The following PTPRZ1 variants were observed in gnomAD, a reference collection of about 807,000 sequenced individuals.
The protein encoded by PTPRZ1 is receptor-type tyrosine-protein phosphatase zeta.
Under a neutral mutation model 214.1 loss-of-function variants are expected in PTPRZ1, and 82 were observed. The ratio of observed to expected loss-of-function variants is 0.38; its 90% confidence interval spans 0.32 to 0.46. PTPRZ1 has a LOEUF of 0.46. PTPRZ1 is among the 20% of genes least tolerant of loss of function. PTPRZ1 has a pLI of 1.00. For synonymous variants in PTPRZ1, 945 were observed against 987.9 expected, an observed-to-expected ratio of 0.96 and a Z score of 0.81; for missense variants, 2,603 against 2,748.7, an observed-to-expected ratio of 0.95 and a Z score of 1.19.
At chr7:122,054,257 G>A (rs1259262551) in intron 26 of PTPRZ1, among the ~76,000 whole-genome samples, 1 of 152,068 alleles carries the variant, frequency 6.6e-6, no homozygotes, top group East Asian at 1.9e-4. Flanking sequence ...AGATATAAAT[G>A]AACTTAAATG....
chr7:121,941,120 C>G (rs910947037), intron 2 of PTPRZ1, among the ~76,000 whole-genome samples: 1 of 152,186 alleles, frequency 6.6e-6, no homozygotes, highest in African/African-American at 2.4e-5. Flanking sequence ...CTCATCTTCC[C>G]TTGTTCAGAA....
chr7:122,021,233 T>C (rs1799007660), intron 13 of PTPRZ1, among the ~76,000 whole-genome samples: 1 of 152,236 alleles, frequency 6.6e-6, no homozygotes, highest in Admixed American at 6.5e-5. Context: ...TCTTATTTAA[T>C]ACAATTTGAT....
intron 14 of PTPRZ1, among the ~76,000 whole-genome samples, chr7:122,029,758 T>TTA (rs996908170): frequency 2.0e-5 from 3 of 151,482 alleles, no homozygotes; most frequent in African/African-American, 7.3e-5. Context: ...ATGTCATATG[T>TTA]TATATATATT....
chr7:121,904,567 A>G (rs1362574724), intron 1 of PTPRZ1, among the ~76,000 whole-genome samples: 1 of 152,176 alleles, frequency 6.6e-6, no homozygotes, highest in Non-Finnish European at 1.5e-5. Flanking sequence ...TTAACACAGT[A>G]AGTAATCTCA....
chr7:121,884,792 G>C, intron 1 of PTPRZ1, among the ~76,000 whole-genome samples: 1 of 152,226 alleles, frequency 6.6e-6, no homozygotes, highest in East Asian at 1.9e-4. Flanking sequence ...GTAAATGCTA[G>C]ACTATTTGGA....
intron 1 of PTPRZ1, among the ~76,000 whole-genome samples, chr7:121,895,561 G>A (rs950357320): frequency 6.6e-6 from 1 of 152,130 alleles, no homozygotes; most frequent in East Asian, 1.9e-4. Flanking sequence ...ATTACAAGTT[G>A]TAAAGGCTTA....
chr7:121,977,753 A>C (rs1797487114), intron 6 of PTPRZ1, among the ~76,000 whole-genome samples: 1 of 150,216 alleles, frequency 6.7e-6, no homozygotes, highest in Admixed American at 6.6e-5. Flanking sequence ...TGAAGCTGTT[A>C]CCTCCCTCCA....
intron 28 of PTPRZ1, 53 bp from the exon 29 acceptor site, chr7:122,059,700 G>T (rs199796777): frequency 6.5e-7 from 1 of 1,547,452 alleles, no homozygotes; most frequent in South Asian, 1.3e-5. Context: ...TTCTAAATGT[G>T]AGTGGTGCAT....
Position 122,051,488 on chromosome 7 carries a change from A to G in PTPRZ1, c.6145A>G (p.Arg2049Gly), listed in dbSNP as rs1189289598. 1.2e-6 allele frequency: 2 copies of G among 1,613,614 alleles called. No individual in the cohort carries two copies. The highest frequency in any genetic ancestry group is 1.3e-5 in the African/African-American group (1 of 74,884). Residue 2049 changes from arginine to glycine, a missense_variant, in exon 24 of 30, where the codon AGG becomes GGG. By Grantham distance (125) the Arg-to-Gly change is moderately radical (BLOSUM62 -2). Transcript: ENST00000393386. Reference sequence around the variant, plus strand: ...TTCTGCAGCCCTAAAGCAATGCAACAGGGAAAAGAATCGAACTTCTTCTAT... The same window carrying G: ...TTCTGCAGCCCTAAAGCAATGCAACGGGGAAAAGAATCGAACTTCTTCTAT... ...DYSAALKQCN[R>G]EKNRTSSIIP...
intron 10 of PTPRZ1, among the ~76,000 whole-genome samples, chr7:122,001,923 A>T (rs1264134234): frequency 6.6e-6 from 1 of 152,190 alleles, no homozygotes; most frequent in Non-Finnish European, 1.5e-5. Context: ...AGATGATTCT[A>T]TAAGCCAGTA....
intron 1 of PTPRZ1, among the ~76,000 whole-genome samples, chr7:121,916,986 G>A (rs928704663): frequency 1.3e-5 from 2 of 152,124 alleles, no homozygotes; most frequent in African/African-American, 2.4e-5. Context: ...GCATGAGATG[G>A]GGACTAAAAG....
At chr7:121,916,967 A>G (rs550677030) in intron 1 of PTPRZ1, among the ~76,000 whole-genome samples, 1 of 152,346 alleles carries the variant, frequency 6.6e-6, no homozygotes, top group South Asian at 2.1e-4. Context: ...TGTTAGGCAA[A>G]GAGTAGAGGC....
At chr7:121,926,612 T>A (rs1226297673) in intron 1 of PTPRZ1, among the ~76,000 whole-genome samples, 1 of 152,298 alleles carries the variant, frequency 6.6e-6, no homozygotes, top group East Asian at 1.9e-4. Flanking sequence ...ATCTATATAG[T>A]CAAAAATATT....
intron 1 of PTPRZ1, 70 bp downstream of exon 1, chr7:121,873,627 T>A: frequency 5.8e-6 from 9 of 1,557,082 alleles, no homozygotes; most frequent in Non-Finnish European, 7.9e-6. Flanking sequence ...CATTTCAGCG[T>A]GTCCGCGACT....
rs1268120454 is a variant in PTPRZ1, at chr7:122,040,963, G to A, written c.5785G>A (p.Val1929Ile). 1 of 1,564,540 alleles carries A rather than the reference G, an allele frequency of 6.4e-7. No individual in the cohort carries two copies. Among genetic ancestry groups the A allele is most frequent in the Admixed American group, 1.8e-5 (1 of 56,568 alleles). Reference sequence around the variant, plus strand: ...TGCCAAGCGCCATGCAGTGGGGCCTGTTGTCGTCCACTGCAGGTGAGTCTC... The same window carrying A: ...TGCCAAGCGCCATGCAGTGGGGCCTATTGTCGTCCACTGCAGGTGAGTCTC... ...AYAKRHAVGPVVVHCSAGVGR... is the reference protein window; with the variant it reads ...AYAKRHAVGPIVVHCSAGVGR... The change falls in exon 21 of 30, where the codon GTT becomes ATT. Residue 1929 changes from valine (V) to isoleucine (I), a missense_variant. Transcript: ENST00000393386.
At chr7:121,913,218 G>T (rs1193379072) in intron 1 of PTPRZ1, among the ~76,000 whole-genome samples, 1 of 152,192 alleles carries the variant, frequency 6.6e-6, no homozygotes, top group Non-Finnish European at 1.5e-5. Context: ...AGAGAAAGGA[G>T]AAAGTAGAGA....
intron 3 of PTPRZ1, among the ~76,000 whole-genome samples, chr7:121,971,899 A>C (rs1006795803): frequency 6.6e-6 from 1 of 152,136 alleles, no homozygotes; most frequent in Non-Finnish European, 1.5e-5. Flanking sequence ...TCTCCAGAAG[A>C]CTGTTAAAAT....
chr7:121,988,181 A>G (rs1042627388), intron 8 of PTPRZ1, among the ~76,000 whole-genome samples: 12 of 152,246 alleles, frequency 7.9e-5, no homozygotes, highest in Non-Finnish European at 1.6e-4. Flanking sequence ...AAGTAAAAAT[A>G]AATAAATACA....
At chr7:122,020,161 T>G (rs1365069106) in intron 13 of PTPRZ1, among the ~76,000 whole-genome samples, 1 of 152,208 alleles carries the variant, frequency 6.6e-6, no homozygotes, top group Non-Finnish European at 1.5e-5. Flanking sequence ...TCAAAATATA[T>G]TCTCGTGTTT....
Sources: allele counts gnomAD v4.1 joint callset (sites outside exome capture counted in the v4.1 genomes callset), GRCh38; gene constraint gnomAD v4.1.1; transcripts MANE v1.5; gene names NCBI Gene and HGNC (gene_info 2026-07-23, HGNC 2026-07-21).